The following HSD17B2 variants were observed in gnomAD, a reference collection of about 807,000 sequenced individuals.
The protein encoded by HSD17B2 is hydroxysteroid 17-beta dehydrogenase 2.
In HSD17B2, 32 loss-of-function variants were observed where a neutral mutation model predicts 26.9. That is an observed-to-expected ratio of 1.19 (90% CI 0.90 to 1.60). The LOEUF (loss-of-function observed/expected upper bound fraction) is 1.60, where lower values mean the gene tolerates loss of function less well. Among genes scored for constraint, HSD17B2 ranks in the 40% most tolerant of loss-of-function variants. HSD17B2 has a pLI of 0.00. For missense variants in HSD17B2, 613 were observed against 468.6 expected (o/e 1.31, Z -2.85); for synonymous variants, 246 against 186.7 (o/e 1.32, Z -2.59).
chr16:82,059,170 A>G (rs1409543405), intron 1 of HSD17B2, among the ~76,000 whole-genome samples: 3 of 152,194 alleles, frequency 2.0e-5, no homozygotes, highest in Non-Finnish European at 4.4e-5. Flanking sequence ...CTTTCCTATT[A>G]ATAACATTCA....
intron 4 of HSD17B2, chr16:82,095,698 A>G (rs76286718): frequency 9.2e-5 from 14 of 152,340 alleles, no homozygotes; most frequent in African/African-American, 3.4e-4. Context: ...TAGGGAAGTG[A>G]TTGGCTAAAA....
At chr16:82,047,382 G>T (rs1051879858) in intron 1 of HSD17B2, among the ~76,000 whole-genome samples, 10 of 152,192 alleles carry the variant, frequency 6.6e-5, no homozygotes, top group Non-Finnish European at 8.8e-5. Context: ...TTAGCAGTGT[G>T]GAAAGGGGAT....
intron 4 of HSD17B2, chr16:82,097,110 C>T (rs558558820): frequency 6.6e-6 from 1 of 151,222 alleles, no homozygotes; most frequent in South Asian, 2.1e-4. Flanking sequence ...CTCACTGCAT[C>T]CTCCAACTCG....
chr16:82,091,487 C>T (rs914711920), intron 4 of HSD17B2: 3 of 198,604 alleles, frequency 1.5e-5, no homozygotes, highest in African/African-American at 2.4e-5. Flanking sequence ...AATGCTTCTG[C>T]ATTGCAAGAG....
chr16:82,040,601 A>G (rs952725737), intron 1 of HSD17B2, among the ~76,000 whole-genome samples: 2 of 152,230 alleles, frequency 1.3e-5, no homozygotes, highest in Non-Finnish European at 2.9e-5. Context: ...TGTCCATTCA[A>G]TCAACAAGTA....
chr16:82,061,517 C>T (rs557059455), intron 1 of HSD17B2, among the ~76,000 whole-genome samples: 3 of 152,264 alleles, frequency 2.0e-5, no homozygotes, highest in Admixed American at 6.5e-5. Flanking sequence ...TCCAGGTTAT[C>T]ATCATTTCTC....
At chr16:82,082,090 G>A (rs1002508936) in intron 3 of HSD17B2, among the ~76,000 whole-genome samples, 5 of 152,168 alleles carry the variant, frequency 3.3e-5, no homozygotes, top group African/African-American at 1.2e-4. Flanking sequence ...TCAAAAGTTA[G>A]GTGACTTGCA....
chr16:82,085,981 G>C (rs1475778284), intron 3 of HSD17B2, among the ~76,000 whole-genome samples: 1 of 151,970 alleles, frequency 6.6e-6, no homozygotes, highest in Non-Finnish European at 1.5e-5. Context: ...AAAAACACAT[G>C]TTGGTGAGAA....
At chr16:82,054,859 G>C (rs1173713668) in intron 1 of HSD17B2, among the ~76,000 whole-genome samples, 1 of 152,078 alleles carries the variant, frequency 6.6e-6, no homozygotes, top group Non-Finnish European at 1.5e-5. Context: ...GTCACACCTT[G>C]GTTCAAAACT....
chr16:82,046,493 C>A (rs542132445), intron 1 of HSD17B2, among the ~76,000 whole-genome samples: 1 of 152,240 alleles, frequency 6.6e-6, no homozygotes, highest in South Asian at 2.1e-4. Flanking sequence ...GAGGCTGACA[C>A]AGGCAGATCA....
intron 1 of HSD17B2, among the ~76,000 whole-genome samples, chr16:82,067,228 G>C (rs967669768): frequency 4.6e-5 from 7 of 152,168 alleles, no homozygotes; most frequent in Admixed American, 3.3e-4. Context: ...CTACCAACAA[G>C]AGATCCCTGC....
In HSD17B2 at chr16:82,091,078, G is replaced by C. The variant is rs370356628; in HGVS notation, c.802+39G>C. ...CCCAAGAACCTGTGATGTTCATCCT[G>C]GAAGGAACCCCGAAGGTCCTCTTGG... On this transcript the variant is annotated intron_variant, in intron 4 of 4. Transcript: ENST00000199936. The C allele has an allele frequency of 3.1e-6, 5 of 1,608,540 alleles. No homozygotes were observed. In the South Asian group the frequency reaches 5.5e-5, roughly 18 times the overall value.
At chr16:82,071,230 G>C in intron 3 of HSD17B2, 103 bp downstream of exon 3, 1 of 1,123,358 alleles carries the variant, frequency 8.9e-7, no homozygotes, top group Non-Finnish European at 1.3e-6. Flanking sequence ...CAAAGGCAGG[G>C]TTGGGTCAGG....
At chr16:82,096,018 C>A (rs1029995541) in intron 4 of HSD17B2, 1 of 151,910 alleles carries the variant, frequency 6.6e-6, no homozygotes, top group Non-Finnish European at 1.5e-5. Flanking sequence ...GGCAGAGCTG[C>A]TACATTTTAA....
chr16:82,079,598 G>C (rs1242186156), intron 3 of HSD17B2, among the ~76,000 whole-genome samples: 1 of 152,160 alleles, frequency 6.6e-6, no homozygotes, highest in African/African-American at 2.4e-5. Context: ...AACTTTTCTG[G>C]GTGGTGGGGG....
chr16:82,090,956 C>A lies in HSD17B2; in HGVS notation c.719C>A (p.Thr240Asn), dbSNP rs75102012. Residue 240 changes from threonine (T) to asparagine (N), a missense_variant, in exon 4 of 5, where the codon ACC (threonine) becomes AAC (asparagine). By Grantham distance (65) the Thr-to-Asn change is moderately conservative. Transcript: ENST00000199936. Reference protein sequence around the residue: ...ASYGSSKAAVTMFSSVMRLEL... With the variant: ...ASYGSSKAAVNMFSSVMRLEL... Reference sequence around the variant, plus strand: ...TATGGCTCATCAAAGGCGGCTGTGACCATGTTCTCATCAGTTATGAGACTG... The same window carrying A: ...TATGGCTCATCAAAGGCGGCTGTGAACATGTTCTCATCAGTTATGAGACTG... 1 of 1,613,886 alleles carries A rather than the reference C, an allele frequency of 6.2e-7. No homozygotes were observed. Among genetic ancestry groups the A allele is most frequent in the African/African-American group, 1.3e-5 (1 of 74,906 alleles).
At chr16:82,066,968 T>C (rs1366412909) in intron 1 of HSD17B2, among the ~76,000 whole-genome samples, 1 of 152,234 alleles carries the variant, frequency 6.6e-6, no homozygotes, top group Non-Finnish European at 1.5e-5. Context: ...AGTATTTCTC[T>C]AGGATAAATA....
chr16:82,067,870 A>G (rs1053287168), intron 1 of HSD17B2, among the ~76,000 whole-genome samples: 1 of 152,112 alleles, frequency 6.6e-6, no homozygotes, highest in Non-Finnish European at 1.5e-5. Flanking sequence ...TTTCCTTCCC[A>G]ATTACTTTGG....
intron 2 of HSD17B2, among the ~76,000 whole-genome samples, chr16:82,070,577 TTGGTTCCCTATCAG>T (rs892048545): frequency 5.3e-5 from 8 of 152,358 alleles, no homozygotes; most frequent in African/African-American, 1.7e-4. Flanking sequence ...CAGTGGTTTG[TTGGTTCCCTATCAG>T]TGGTTCCCTA....
Sources: allele counts gnomAD v4.1 joint callset (sites outside exome capture counted in the v4.1 genomes callset), GRCh38; gene constraint gnomAD v4.1.1; transcripts MANE v1.5; gene names NCBI Gene and HGNC (gene_info 2026-07-23, HGNC 2026-07-21).